Variants in IRGM observed in about 807,000 individuals in gnomAD.
IRGM encodes the protein immunity-related GTPase family M protein.
For missense variants in IRGM, 288 were observed against 219.9 expected, an observed-to-expected ratio of 1.31 and a Z score of -1.96; for synonymous variants, 98 against 80.6, an observed-to-expected ratio of 1.22 and a Z score of -1.16.
At chr5:150,896,160 T>G (rs1426909544) in intron 3 of IRGM, 3 of 1,613,452 alleles carry the variant, frequency 1.9e-6, no homozygotes, top group South Asian at 2.2e-5. Context: ...GGAGAAGGCT[T>G]TCCCGCATTC....
At chr5:150,898,211 G>A in intron 3 of IRGM, 1 of 1,611,610 alleles carries the variant, frequency 6.2e-7, no homozygotes, top group Non-Finnish European at 8.5e-7. Context: ...ACAGAGAATT[G>A]AGATTGACTG....
intron 1 of IRGM, among the ~76,000 whole-genome samples, chr5:150,863,928 T>TA (rs1754170650): frequency 6.6e-6 from 1 of 152,202 alleles, no homozygotes; most frequent in African/African-American, 2.4e-5. Context: ...TGGAGGCACT[T>TA]ACCAAGCAGC....
intron 1 of IRGM, among the ~76,000 whole-genome samples, chr5:150,859,790 T>G (rs1237609248): frequency 6.6e-6 from 1 of 152,238 alleles, no homozygotes; most frequent in Non-Finnish European, 1.5e-5. Flanking sequence ...TTATCATTTT[T>G]TATTGCATCT....
intron 1 of IRGM, among the ~76,000 whole-genome samples, chr5:150,876,815 C>T (rs183143802): frequency 1.9e-4 from 29 of 152,276 alleles, no homozygotes; most frequent in Non-Finnish European, 3.7e-4. Context: ...AGGCAGTCAT[C>T]GATGCCAGCT....
intron 3 of IRGM, among the ~76,000 whole-genome samples, chr5:150,893,795 T>G (rs540350355): frequency 6.6e-6 from 1 of 152,140 alleles, no homozygotes; most frequent in Non-Finnish European, 1.5e-5. Flanking sequence ...ATGTGCTAGC[T>G]ACCCAAATGC....
chr5:150,898,333 TCATGA>T, intron 3 of IRGM: 3 of 1,605,278 alleles, frequency 1.9e-6, no homozygotes, highest in Non-Finnish European at 2.6e-6. Flanking sequence ...GTCATAAAAG[TCATGA>T]CATATGTCAG....
At chr5:150,893,189 C>T (rs1754643971) in intron 3 of IRGM, among the ~76,000 whole-genome samples, 1 of 152,112 alleles carries the variant, frequency 6.6e-6, no homozygotes, top group Non-Finnish European at 1.5e-5. Flanking sequence ...AGAGGCATTA[C>T]TGAAAAGGTG....
chr5:150,878,147 A>C (rs1035537426), intron 2 of IRGM: 18 of 409,230 alleles, frequency 4.4e-5, no homozygotes, highest in African/African-American at 3.9e-4. Context: ...GATTTTAGTA[A>C]GTTTAAAGTT....
chr5:150,889,933 G>T (rs962568215), intron 3 of IRGM, among the ~76,000 whole-genome samples: 1 of 151,936 alleles, frequency 6.6e-6, no homozygotes, highest in East Asian at 1.9e-4. Flanking sequence ...TTATTGTTTA[G>T]ACTTTTGCAT....
At chr5:150,898,548 C>G in intron 3 of IRGM, 1 of 1,605,174 alleles carries the variant, frequency 6.2e-7, no homozygotes, top group South Asian at 1.1e-5. Flanking sequence ...TTGAATGATA[C>G]TAACCCCTGT....
chr5:150,848,089 C>G lies in IRGM; in HGVS notation c.-35C>G. ...GTGCTGGGATTACAGGCATGAGCCACGGCGCCTGGCCAGCATTGGGGTATT... is the reference window on the plus strand; with the variant it reads ...GTGCTGGGATTACAGGCATGAGCCAGGGCGCCTGGCCAGCATTGGGGTATT... On this transcript the variant is annotated 5_prime_UTR_variant, in exon 2 of 2. Coordinates refer to ENST00000522154, the MANE Select transcript of IRGM (RefSeq NM_001145805.2). 6.7e-7 allele frequency: 1 copy of G among 1,497,352 alleles called. No individual in the cohort carries two copies. Among genetic ancestry groups the G allele is most frequent in the Non-Finnish European group, 9.0e-7 (1 of 1,116,138 alleles). The allele number at this position is 1,497,352 out of a possible 1,614,324, so 92.8% of individuals were successfully genotyped here.
chr5:150,848,226 A>T lies in IRGM; in HGVS notation c.103A>T (p.Asn35Tyr). 6.4e-7 allele frequency: 1 copy of T among 1,551,814 alleles called. No homozygotes were observed. The highest frequency in any genetic ancestry group is 1.2e-5 in the South Asian group (1 of 84,064). The change falls in exon 2 of 2, where the codon AAC becomes TAC. Residue 35 changes from asparagine (N) to tyrosine (Y), a missense_variant. Asn to Tyr is a moderately radical substitution (Grantham distance 143). Transcript: ENST00000522154. ...GAAGATAGTGTCCAGGACACCAGTT[A>T]ACATCACTATGGCAGGGGACTCTGG... Reference protein sequence around the residue: ...TLKIVSRTPVNITMAGDSGNG... With the variant: ...TLKIVSRTPVYITMAGDSGNG...
intron 3 of IRGM, chr5:150,896,419 A>G (rs1754783496): frequency 6.2e-7 from 1 of 1,613,670 alleles, no homozygotes; most frequent in East Asian, 2.2e-5. Flanking sequence ...GCTTTTCCAC[A>G]TGTAACACAT....
intron 1 of IRGM, among the ~76,000 whole-genome samples, chr5:150,865,299 G>T (rs1329363496): frequency 6.6e-6 from 1 of 152,066 alleles, no homozygotes; most frequent in Non-Finnish European, 1.5e-5. Context: ...CAATTCAAAA[G>T]TATATTAGAA....
At chr5:150,877,830 TA>T in intron 1 of IRGM, 1 of 363,780 alleles carries the variant, frequency 2.7e-6, no homozygotes, top group Admixed American at 3.8e-5. Context: ...ACGGGTGACC[TA>T]AATAACCACT....
At chr5:150,879,072 A>G (rs1171858816) in intron 2 of IRGM, among the ~76,000 whole-genome samples, 1 of 152,200 alleles carries the variant, frequency 6.6e-6, no homozygotes, top group Admixed American at 6.5e-5. Context: ...AAATTCTAAA[A>G]ACAACTGCAT....
downstream of IRGM, among the ~76,000 whole-genome samples, chr5:150,902,300 C>A (rs1326738448): frequency 6.6e-6 from 1 of 152,102 alleles, no homozygotes; most frequent in Admixed American, 6.5e-5. Context: ...GGGACCTTTG[C>A]CCTCCAAAGA....
chr5:150,869,480 G>A (rs1262498292), intron 1 of IRGM, among the ~76,000 whole-genome samples: 1 of 152,046 alleles, frequency 6.6e-6, no homozygotes, highest in Admixed American at 6.6e-5. Context: ...GTATTAGGGT[G>A]ATACTAACTT....
chr5:150,895,074 T>C (rs1754706502), intron 3 of IRGM: 1 of 179,870 alleles, frequency 5.6e-6, no homozygotes, highest in Non-Finnish European at 1.2e-5. Flanking sequence ...GAAAAATTAG[T>C]TTATGGCCAT....
Sources: allele counts gnomAD v4.1 joint callset (sites outside exome capture counted in the v4.1 genomes callset), GRCh38; gene constraint gnomAD v4.1.1; transcripts MANE v1.5; gene names NCBI Gene and HGNC (gene_info 2026-07-23, HGNC 2026-07-21).